NLGN1: variants seen among roughly 807,000 people sequenced by gnomAD.
The protein encoded by NLGN1 is neuroligin-1.
A neutral mutation model predicts 65.5 loss-of-function variants in NLGN1; 12 were observed. The observed-to-expected ratio is 0.18, with a 90% confidence interval of 0.12 to 0.30. NLGN1 has a LOEUF of 0.30. Ranked by LOEUF, NLGN1 falls within the 10% of genes least tolerant of loss-of-function variation. The pLI, the probability that NLGN1 is intolerant of heterozygous loss-of-function variation, is 1.00. For synonymous variants in NLGN1, 350 were observed against 359.5 expected (o/e 0.97, Z 0.30); for missense variants, 750 against 1,007.1 (o/e 0.74, Z 3.46).
Position 173,656,461 on chromosome 3 carries a change from T to C in NLGN1, c.493+51370T>C, listed in dbSNP as rs540477282. On this transcript the variant is annotated intron_variant, in intron 3 of 6. Coordinates refer to ENST00000457714, the Ensembl canonical transcript of NLGN1. ...ATGTCTCTCATATCCCACCCACTTT[T>C]GATGAAAGTCATAGGTGTACTACGC... Among the ~76,000 whole-genome samples the C allele has an allele frequency of 2.6e-5, 4 of 152,240 alleles. No individual in the cohort carries two copies. The South Asian group carries it at 8.3e-4, about 32-fold the overall frequency.
intron 4 of NLGN1, among the ~76,000 whole-genome samples, chr3:174,161,081 T>C (rs1726417273): frequency 1.3e-5 from 2 of 152,020 alleles, no homozygotes; most frequent in Middle Eastern, 3.4e-3. Context: ...GAGAAAATAT[T>C]GATCAAACTT....
intron 3 of NLGN1, among the ~76,000 whole-genome samples, chr3:173,759,457 A>T (rs1392646413): frequency 6.6e-6 from 1 of 151,978 alleles, no homozygotes; most frequent in Non-Finnish European, 1.5e-5. Flanking sequence ...TCTCTATGGG[A>T]GTGGAGTCAC....
intron 4 of NLGN1, among the ~76,000 whole-genome samples, chr3:173,901,711 A>G (rs1737414305): frequency 6.6e-6 from 1 of 152,030 alleles, no homozygotes; most frequent in African/African-American, 2.4e-5. Context: ...TTGGGAAATG[A>G]TCTGAATTTA....
chr3:174,277,399 T>C (rs1164529878), intron 5 of NLGN1, among the ~76,000 whole-genome samples: 1 of 151,932 alleles, frequency 6.6e-6, no homozygotes, highest in Non-Finnish European at 1.5e-5. Context: ...CTAGGTGGCA[T>C]ATTTTAGGAC....
At chr3:173,627,850 A>G (rs1214861966) in intron 3 of NLGN1, among the ~76,000 whole-genome samples, 5 of 151,784 alleles carry the variant, frequency 3.3e-5, no homozygotes, top group Admixed American at 1.3e-4. Context: ...TTCATTTTAA[A>G]ATGTTGGCTG....
rs117201622 is a variant in NLGN1, at chr3:174,081,936, A to G, written c.647-193379A>G. Among the ~76,000 whole-genome samples the G allele has an allele frequency of 6.2e-3, 942 of 152,274 alleles. 22 individuals are homozygous for G. Among genetic ancestry groups the G allele is most frequent in the East Asian group, 0.037 (194 of 5,176 alleles). The stretch of plus-strand genomic sequence containing the variant: ...CAGACATTACCATCCACCTTGAATT[A>G]TTTAATCGAATTTGGGGACATTCCT... On this transcript the variant is annotated intron_variant, in intron 4 of 6. Coordinates refer to ENST00000457714, the Ensembl canonical transcript of NLGN1.
intron 4 of NLGN1, among the ~76,000 whole-genome samples, chr3:173,907,254 A>G (rs1046624319): frequency 1.3e-5 from 2 of 152,162 alleles, no homozygotes; most frequent in Non-Finnish European, 2.9e-5. Context: ...GTGTAAGGAT[A>G]TTTTCCTCAG....
chr3:173,613,152 A>G (rs1358347671), intron 3 of NLGN1, among the ~76,000 whole-genome samples: 1 of 152,154 alleles, frequency 6.6e-6, no homozygotes, highest in East Asian at 1.9e-4. Flanking sequence ...GCTGGACATA[A>G]GTTATTGAAG....
chr3:173,618,441 C>T (rs1305427651), intron 3 of NLGN1, among the ~76,000 whole-genome samples: 1 of 152,168 alleles, frequency 6.6e-6, no homozygotes, highest in Admixed American at 6.5e-5. Context: ...AAGCGATCCT[C>T]CTTCCTCGGG....
chr3:173,573,564 GT>G (rs1211010265), intron 2 of NLGN1, among the ~76,000 whole-genome samples: 1 of 149,386 alleles, frequency 6.7e-6, no homozygotes, highest in Non-Finnish European at 1.5e-5. Flanking sequence ...TTGTATGTAT[GT>G]TGAAACAAGG....
intron 3 of NLGN1, among the ~76,000 whole-genome samples, chr3:173,649,323 T>C (rs577930940): frequency 1.3e-5 from 2 of 152,172 alleles, no homozygotes; most frequent in African/African-American, 4.8e-5. Flanking sequence ...CAGTAATAGT[T>C]ACATAGACAT....
At chr3:173,723,672 G>A (rs977870779) in intron 3 of NLGN1, among the ~76,000 whole-genome samples, 5 of 152,106 alleles carry the variant, frequency 3.3e-5, no homozygotes, top group African/African-American at 1.2e-4. Flanking sequence ...AAAAATAAGT[G>A]TGTATTATAG....
At chr3:173,719,800 A>C (rs1247262439) in intron 3 of NLGN1, among the ~76,000 whole-genome samples, 1 of 151,956 alleles carries the variant, frequency 6.6e-6, no homozygotes, top group Non-Finnish European at 1.5e-5. Flanking sequence ...CTGGCTGTAG[A>C]TTTTGAGGTG....
At chr3:173,943,335 C>T (rs1746493036) in intron 4 of NLGN1, among the ~76,000 whole-genome samples, 1 of 151,992 alleles carries the variant, frequency 6.6e-6, no homozygotes, top group African/African-American at 2.4e-5. Flanking sequence ...TTATTGCAAC[C>T]CCAACATTGT....
chr3:173,806,600 A>G (rs964278861), intron 3 of NLGN1, among the ~76,000 whole-genome samples: 2 of 152,158 alleles, frequency 1.3e-5, no homozygotes, highest in Admixed American at 6.6e-5. Flanking sequence ...AGAGCCATAT[A>G]TATGCATACA....
intron 4 of NLGN1, among the ~76,000 whole-genome samples, chr3:174,150,112 A>G (rs1479782874): frequency 6.6e-6 from 1 of 152,170 alleles, no homozygotes; most frequent in African/African-American, 2.4e-5. Context: ...CCACTGTAGA[A>G]GTTGCCATTG....
At chr3:173,953,042 G>T (rs916423361) in intron 4 of NLGN1, among the ~76,000 whole-genome samples, 1 of 152,112 alleles carries the variant, frequency 6.6e-6, no homozygotes, top group African/African-American at 2.4e-5. Context: ...GCCTCCCAAA[G>T]TGCTGGTATT....
intron 2 of NLGN1, among the ~76,000 whole-genome samples, chr3:173,494,938 G>A (rs1729759597): frequency 6.6e-6 from 1 of 151,942 alleles, no homozygotes; most frequent in East Asian, 1.9e-4. Context: ...TTGAAGGCAA[G>A]TAGTGTAAAT....
chr3:174,023,282 C>T (rs551863190), intron 4 of NLGN1, among the ~76,000 whole-genome samples: 1 of 152,290 alleles, frequency 6.6e-6, no homozygotes, highest in East Asian at 1.9e-4. Flanking sequence ...ACATGAGATA[C>T]TAAGAGTTCA....
Sources: allele counts gnomAD v4.1 joint callset (sites outside exome capture counted in the v4.1 genomes callset), GRCh38; gene constraint gnomAD v4.1.1; transcripts MANE v1.5; gene names NCBI Gene and HGNC (gene_info 2026-07-23, HGNC 2026-07-21).